LUC7L2: variants seen among roughly 807,000 people sequenced by gnomAD.
The protein encoded by LUC7L2 is LUC7 like 2, pre-mRNA splicing factor, also known as putative RNA-binding protein Luc7-like 2.
LUC7L2 carries 25 observed loss-of-function variants against 52.8 expected under a neutral mutation model. The ratio of observed to expected loss-of-function variants is 0.47; its 90% CI spans 0.34 to 0.66. LUC7L2 has a LOEUF of 0.66. LUC7L2 is among the 30% of genes least tolerant of loss of function. The pLI, the probability that LUC7L2 is intolerant of heterozygous loss-of-function variation, is 0.01. For synonymous variants in LUC7L2, 144 were observed against 160.9 expected (o/e 0.89, Z 0.80); for missense variants, 328 against 497.8 (o/e 0.66, Z 3.25).
chr7:139,358,165 C>G (rs1302097127), upstream of LUC7L2, among the ~76,000 whole-genome samples: 1 of 152,090 alleles, frequency 6.6e-6, no homozygotes, highest in Admixed American at 6.6e-5. Flanking sequence ...CGCATCCATG[C>G]CCGGCTAATT....
chr7:139,420,431 G>C (rs1014001038), intron 9 of LUC7L2, among the ~76,000 whole-genome samples: 22 of 152,152 alleles, frequency 1.4e-4, no homozygotes, highest in African/African-American at 5.3e-4. Flanking sequence ...TCAAACTCCC[G>C]ACCTCAGGTG....
chr7:139,408,767 G>A (rs899831879), intron 6 of LUC7L2, among the ~76,000 whole-genome samples: 6 of 151,666 alleles, frequency 4.0e-5, no homozygotes, highest in African/African-American at 1.2e-4. Flanking sequence ...ACTTGAACCC[G>A]GGAGGTGGAG....
chr7:139,413,949 G>A (rs1795480894), intron 8 of LUC7L2, among the ~76,000 whole-genome samples: 1 of 152,160 alleles, frequency 6.6e-6, no homozygotes, highest in African/African-American at 2.4e-5. Flanking sequence ...ACATTAAACT[G>A]TGATACTGTT....
chr7:139,415,127 G>A (rs978472498), intron 8 of LUC7L2, among the ~76,000 whole-genome samples: 1 of 145,234 alleles, frequency 6.9e-6, no homozygotes, highest in Non-Finnish European at 1.5e-5. Flanking sequence ...GGCCAGGCTG[G>A]TCTTGAACTC....
intron 9 of LUC7L2, among the ~76,000 whole-genome samples, chr7:139,421,303 A>T (rs959087176): frequency 1.3e-5 from 2 of 152,326 alleles, no homozygotes; most frequent in Non-Finnish European, 2.9e-5. Context: ...GAGTGAGATA[A>T]TTATGTAAAA....
chr7:139,373,374 T>G (rs929072160), intron 1 of LUC7L2, among the ~76,000 whole-genome samples: 1 of 152,224 alleles, frequency 6.6e-6, no homozygotes, highest in Admixed American at 6.5e-5. Flanking sequence ...TATCTCAAAT[T>G]ATTAAGCGTT....
intron 1 of LUC7L2, among the ~76,000 whole-genome samples, chr7:139,373,736 A>G (rs1800572407): frequency 6.6e-6 from 1 of 152,220 alleles, no homozygotes; most frequent in African/African-American, 2.4e-5. Context: ...TTAAGCACAA[A>G]TCAGTTACTC....
rs528101093 is a variant in LUC7L2, at chr7:139,371,664, A to T, written c.62-4398A>T. Among the ~76,000 whole-genome samples, 17 of 152,314 alleles carry T rather than the reference A, an allele frequency of 1.1e-4. No homozygotes were observed. In the East Asian group the frequency reaches 2.1e-3, roughly 19 times the overall value. On this transcript the variant is annotated intron_variant, in intron 1 of 9. Coordinates refer to ENST00000354926, the MANE Select transcript of LUC7L2 (RefSeq NM_016019.5). ...TGTTACTAATAAAATTTAAGTGTTA[A>T]TATAAGTTTCAGAAAAGGCAGGACC...
chr7:139,370,202 T>C (rs2131200140), intron 1 of LUC7L2, among the ~76,000 whole-genome samples: 1 of 152,358 alleles, frequency 6.6e-6, no homozygotes. Context: ...TGGGTTAAAC[T>C]GAGTGTATAT....
chr7:139,419,359 A>T (rs1309307372), intron 9 of LUC7L2, among the ~76,000 whole-genome samples: 6 of 152,220 alleles, frequency 3.9e-5, no homozygotes, highest in Non-Finnish European at 7.3e-5. Flanking sequence ...GATATTCCAT[A>T]TAGAGTGAAT....
Position 139,360,275 on chromosome 7 carries a change from C to A in LUC7L2, c.14C>A (p.Ala5Asp). 6.4e-7 allele frequency: 1 copy of A among 1,566,336 alleles called. No homozygotes were observed. Among genetic ancestry groups the A allele is most frequent in the East Asian group, 2.4e-5 (1 of 41,996 alleles). The change falls in exon 1 of 10, where the codon GCC (alanine) becomes GAC (aspartate). Residue 5 changes from alanine (A) to aspartate (D), a missense_variant. Ala to Asp is a moderately radical substitution (Grantham distance 126). Coordinates refer to ENST00000354926, the MANE Select transcript of LUC7L2 (RefSeq NM_016019.5). ...TACGCCGCCGCCATGTCGGCGCAGGCCCAGATGCGCGCGATGCTGGACCAG... is the reference window on the plus strand; with the variant it reads ...TACGCCGCCGCCATGTCGGCGCAGGACCAGATGCGCGCGATGCTGGACCAG... MSAQ[A>D]QMRAMLDQLM...
chr7:139,345,486 T>G, intron 1 of LUC7L2: 22 of 1,614,092 alleles, frequency 1.4e-5, no homozygotes, highest in Non-Finnish European at 1.8e-5. Flanking sequence ...AATTTCTGAC[T>G]TGCTGCTTCT....
chr7:139,412,657 G>T, intron 8 of LUC7L2, 77 bp downstream of exon 8: 1 of 1,511,454 alleles, frequency 6.6e-7, no homozygotes, highest in Non-Finnish European at 8.9e-7. Context: ...TTGATTAAAT[G>T]GTCCTTTAAA....
chr7:139,402,413 C>T (rs1311421318), intron 4 of LUC7L2, among the ~76,000 whole-genome samples, 166 bp downstream of exon 4: 5 of 152,188 alleles, frequency 3.3e-5, no homozygotes, highest in African/African-American at 1.2e-4. Context: ...CAATATAGTG[C>T]AATATCAAAT....
At chr7:139,409,784 A>T (rs189495158) in intron 7 of LUC7L2, 130 bp downstream of exon 7, 2 of 1,312,730 alleles carry the variant, frequency 1.5e-6, no homozygotes, top group South Asian at 2.0e-5. Context: ...ACTTTAAAAA[A>T]TATTACTGTG....
intron 1 of LUC7L2, among the ~76,000 whole-genome samples, chr7:139,367,699 A>G (rs1171243149): frequency 6.6e-6 from 1 of 152,238 alleles, no homozygotes; most frequent in Non-Finnish European, 1.5e-5. Flanking sequence ...GTAAGCAGAA[A>G]TGACTGGACA....
rs942959041 is a variant in LUC7L2, at chr7:139,360,635, G to A, written c.61+313G>A. On this transcript the variant is annotated intron_variant, in intron 1 of 9. Coordinates refer to ENST00000354926, the MANE Select transcript of LUC7L2 (RefSeq NM_016019.5). Reference sequence around the variant, plus strand: ...CGCGTCTCTGTTGCGTAGTTGGGGGGCCCGTTTTGTCGCTGGTTAGGTACC... The same window carrying A: ...CGCGTCTCTGTTGCGTAGTTGGGGGACCCGTTTTGTCGCTGGTTAGGTACC... Among the ~76,000 whole-genome samples the A allele has an allele frequency of 3.9e-5, 6 of 152,122 alleles. 1 individual carries two copies. Among genetic ancestry groups the A allele is most frequent in the Admixed American group, 3.9e-4 (6 of 15,284 alleles).
chr7:139,394,302 C>A (rs1413924249), intron 2 of LUC7L2, among the ~76,000 whole-genome samples: 2 of 152,184 alleles, frequency 1.3e-5, no homozygotes, highest in Non-Finnish European at 2.9e-5. Flanking sequence ...ACAGAAGAAT[C>A]CTTGCCCTAT....
intron 1 of LUC7L2, chr7:139,345,876 A>G: frequency 1.4e-6 from 1 of 734,962 alleles, no homozygotes; most frequent in Non-Finnish European, 2.0e-6. Context: ...GAATTTACTG[A>G]ACTTTTTGCA....
Sources: allele counts gnomAD v4.1 joint callset (sites outside exome capture counted in the v4.1 genomes callset), GRCh38; gene constraint gnomAD v4.1.1; transcripts MANE v1.5; gene names NCBI Gene and HGNC (gene_info 2026-07-23, HGNC 2026-07-21).